SYCP1: variants seen among roughly 807,000 people sequenced by gnomAD.
The protein encoded by SYCP1 is synaptonemal complex protein 1, also known as cancer/testis antigen 8.
SYCP1 carries 64 observed loss-of-function variants against 153.1 expected under a neutral mutation model. The observed-to-expected ratio is 0.42, with a 90% CI of 0.34 to 0.51. SYCP1 has a LOEUF of 0.51. Among genes scored for constraint, SYCP1 ranks in the 20% least tolerant of loss-of-function variants. The pLI, the probability that SYCP1 is intolerant of heterozygous loss-of-function variation, is 0.06. For missense variants in SYCP1, 997 were observed against 1,049.0 expected (o/e 0.95, Z 0.68); for synonymous variants, 384 against 341.8 (o/e 1.12, Z -1.36).
In SYCP1 at chr1:114,909,721, A is replaced by C. The variant is rs12095370; in HGVS notation, c.1321-676A>C. Among the ~76,000 whole-genome samples, 743 of 152,256 alleles carry C rather than the reference A, an allele frequency of 4.9e-3. 8 individuals are homozygous for C. The highest frequency in any genetic ancestry group is 0.017 in the African/African-American group (695 of 41,544). ...AGTGTAAAGAATGAAAATATATTTT[A>C]AGCATCTAGTGAGGGCTGGTCATAC... On this transcript the variant is annotated intron_variant, in intron 16 of 31. Transcript: ENST00000369522.
chr1:114,881,793 C>G (rs758419195), intron 12 of SYCP1, among the ~76,000 whole-genome samples: 34 of 152,184 alleles, frequency 2.2e-4, no homozygotes, highest in Admixed American at 1.2e-3. Context: ...TGAACCACCA[C>G]GCCTGGCTTA....
chr1:114,875,125 CATT>C (rs946168396), intron 9 of SYCP1, among the ~76,000 whole-genome samples: 27 of 151,816 alleles, frequency 1.8e-4, no homozygotes, highest in African/African-American at 6.1e-4. Flanking sequence ...ATATCCATCT[CATT>C]TAACTTTTCT....
At chr1:114,876,971 T>C in intron 11 of SYCP1, 161 bp downstream of exon 11, 1 of 314,620 alleles carries the variant, frequency 3.2e-6, no homozygotes, top group Non-Finnish European at 5.8e-6. Flanking sequence ...ACTCACTTAA[T>C]TTTCATTGAC....
chr1:114,855,611 C>A (rs1444593135), intron 2 of SYCP1, 39 bp downstream of exon 2: 1 of 1,458,406 alleles, frequency 6.9e-7, no homozygotes. Flanking sequence ...CTCTTCTTAA[C>A]TTTAGGGAAA....
At chr1:114,949,085 T>A (rs1670929593) in intron 27 of SYCP1, among the ~76,000 whole-genome samples, 1 of 152,116 alleles carries the variant, frequency 6.6e-6, no homozygotes, top group Non-Finnish European at 1.5e-5. Context: ...CCGTGCTAGC[T>A]CCCTGAGGCT....
intron 12 of SYCP1, among the ~76,000 whole-genome samples, chr1:114,878,803 A>G (rs1665716248): frequency 6.6e-6 from 1 of 152,212 alleles, no homozygotes; most frequent in Non-Finnish European, 1.5e-5. Flanking sequence ...TCAGCCTCCC[A>G]AAGTTCTGGG....
At chr1:114,931,573 A>G (rs936234609) in intron 23 of SYCP1, among the ~76,000 whole-genome samples, 4 of 152,152 alleles carry the variant, frequency 2.6e-5, no homozygotes, top group African/African-American at 9.6e-5. Context: ...TACTGAGACC[A>G]ATGAAAGAAG....
intron 8 of SYCP1, among the ~76,000 whole-genome samples, chr1:114,870,189 T>A (rs145138333): frequency 6.6e-6 from 1 of 152,060 alleles, no homozygotes; most frequent in African/African-American, 2.4e-5. Flanking sequence ...AATTTTTCTA[T>A]TTTTTGTAGA....
chr1:114,960,922 A>T (rs923636640), intron 27 of SYCP1, among the ~76,000 whole-genome samples: 1 of 152,174 alleles, frequency 6.6e-6, no homozygotes, highest in African/African-American at 2.4e-5. Context: ...TAGTTTCAGT[A>T]GGATTGGTGC....
chr1:114,911,454 A>G, intron 17 of SYCP1, 25 bp from the exon 18 acceptor site: 1 of 1,493,762 alleles, frequency 6.7e-7, no homozygotes, highest in Non-Finnish European at 9.0e-7. Context: ...AACACTTGCC[A>G]TAGTTATATA....
At chr1:114,968,564 T>C (rs1199637976) in intron 27 of SYCP1, among the ~76,000 whole-genome samples, 1 of 152,216 alleles carries the variant, frequency 6.6e-6, no homozygotes, top group East Asian at 1.9e-4. Flanking sequence ...TTATTCTAGT[T>C]AGCACTTCCT....
chr1:114,980,368 G>C (rs530356032), intron 28 of SYCP1, among the ~76,000 whole-genome samples: 3 of 151,842 alleles, frequency 2.0e-5, no homozygotes, highest in African/African-American at 7.2e-5. Context: ...TGTATACAAA[G>C]GTAGAGTGAA....
intron 23 of SYCP1, among the ~76,000 whole-genome samples, chr1:114,937,398 G>A (rs1029045855): frequency 2.6e-5 from 4 of 152,170 alleles, no homozygotes; most frequent in African/African-American, 9.7e-5. Context: ...ATTAATTCAA[G>A]ATGGATTAAA....
At chr1:114,865,427 G>T (rs1285811163) in intron 8 of SYCP1, among the ~76,000 whole-genome samples, 1 of 152,144 alleles carries the variant, frequency 6.6e-6, no homozygotes, top group East Asian at 1.9e-4. Flanking sequence ...TTTTCTAACA[G>T]GCAGTCAGCT....
Position 114,926,493 on chromosome 1 carries a change from T to G in SYCP1, c.1864-8T>G. On this transcript the variant is annotated splice_region_variant and splice_polypyrimidine_tract_variant and intron_variant, in intron 22 of 31. Transcript: ENST00000369522. Reference sequence around the variant, plus strand: ...AGTACTAAATATAATTATTTTTAATTTTAACAGAATAAGGCCTTGAAAAAA... The same window carrying G: ...AGTACTAAATATAATTATTTTTAATGTTAACAGAATAAGGCCTTGAAAAAA... The G allele has an allele frequency of 3.2e-6, 5 of 1,559,854 alleles. No homozygotes were observed. The highest frequency in any genetic ancestry group is 4.3e-6 in the Non-Finnish European group (5 of 1,155,558).
chr1:114,948,330 T>C, intron 27 of SYCP1, among the ~76,000 whole-genome samples: 1 of 152,182 alleles, frequency 6.6e-6, no homozygotes, highest in East Asian at 1.9e-4. Flanking sequence ...TTTATTATTA[T>C]CTTTACTTTG....
intron 29 of SYCP1, 84 bp from the exon 30 acceptor site, chr1:114,984,641 G>C (rs1673379159): frequency 1.8e-6 from 2 of 1,130,900 alleles, no homozygotes; most frequent in Non-Finnish European, 1.1e-6. Flanking sequence ...GACTCAAATT[G>C]CCTTAAAATT....
At chr1:114,963,684 C>T (rs1341861680) in intron 27 of SYCP1, among the ~76,000 whole-genome samples, 1 of 152,146 alleles carries the variant, frequency 6.6e-6, no homozygotes, top group African/African-American at 2.4e-5. Context: ...TCATCCATGT[C>T]CCTGTAAAGG....
chr1:114,879,669 T>G (rs1665783589), intron 12 of SYCP1, among the ~76,000 whole-genome samples: 2 of 152,172 alleles, frequency 1.3e-5, no homozygotes, highest in Non-Finnish European at 2.9e-5. Flanking sequence ...TATTTAATCT[T>G]ATCATATAAA....
Sources: gnomAD v4.1 joint callset for allele counts (sites outside exome capture counted in the v4.1 genomes callset) on GRCh38, gnomAD v4.1.1 for gene constraint, MANE v1.5 for transcripts, NCBI Gene and HGNC (gene_info 2026-07-23, HGNC 2026-07-21) for gene names.